SCAMP4: variants seen among roughly 807,000 people sequenced by gnomAD.
SCAMP4 encodes secretory carrier-associated membrane protein 4.
SCAMP4 carries 19 observed loss-of-function variants against 32.1 expected under a neutral mutation model. The observed-to-expected ratio is 0.59, with a 90% CI of 0.41 to 0.87. The LOEUF (loss-of-function observed/expected upper bound fraction) is 0.87. SCAMP4 is among the 40% of genes least tolerant of loss of function. The pLI, the probability that SCAMP4 is intolerant of heterozygous loss-of-function variation, is 0.00. For synonymous variants in SCAMP4, 152 were observed against 132.7 expected (o/e 1.15, Z -1.00); for missense variants, 302 against 309.0 (o/e 0.98, Z 0.17).
In SCAMP4 at chr19:1,924,626, C is replaced by G; in HGVS notation, c.*342C>G. ...AGGCCTGACTCCGGGGGACAGGTGGCAGCAGGTCGGCCGCCCTCCCGTCCT... is the reference window on the plus strand; with the variant it reads ...AGGCCTGACTCCGGGGGACAGGTGGGAGCAGGTCGGCCGCCCTCCCGTCCT... On this transcript the variant is annotated 3_prime_UTR_variant, in exon 7 of 7. Transcript: ENST00000316097. 3.3e-6 allele frequency: 1 copy of G among 304,496 alleles called. No individual in the cohort carries two copies. The highest frequency in any genetic ancestry group is 6.5e-6 in the Non-Finnish European group (1 of 153,370). 18.9% of individuals were successfully genotyped at this position (304,496 alleles called of 1,614,324 possible). A position where few individuals can be genotyped will look rare whatever the true frequency, so the allele number is the denominator to read the frequency against.
intron 1 of SCAMP4, chr19:1,911,922 A>T: frequency 8.0e-7 from 1 of 1,245,030 alleles, no homozygotes; most frequent in South Asian, 1.8e-5. Flanking sequence ...TGTAGCTCTG[A>T]TGCGGTGACC....
chr19:1,920,141 T>C, intron 5 of SCAMP4: 1 of 985,400 alleles, frequency 1.0e-6, no homozygotes, highest in Non-Finnish European at 1.2e-6. Flanking sequence ...AGGCTTTTTA[T>C]TTTGGAATAA....
intron 1 of SCAMP4, chr19:1,911,840 A>G: frequency 8.6e-6 from 4 of 467,574 alleles, no homozygotes; most frequent in Non-Finnish European, 1.4e-5. Flanking sequence ...TAGGTGAATT[A>G]TATCTTCGTT....
intron 5 of SCAMP4, chr19:1,921,939 T>C: frequency 4.1e-6 from 4 of 985,482 alleles, no homozygotes; most frequent in Non-Finnish European, 4.8e-6. Context: ...GGGTACCGCG[T>C]GTGCGTGCAT....
At chr19:1,912,451 G>A (rs1568764628) in intron 1 of SCAMP4, 1 of 1,506,794 alleles carries the variant, frequency 6.6e-7, no homozygotes, top group Non-Finnish European at 8.8e-7. Flanking sequence ...GACCCCCGCG[G>A]CCTGGGGCAA....
At chr19:1,921,795 C>G in intron 5 of SCAMP4, 1 of 983,470 alleles carries the variant, frequency 1.0e-6, no homozygotes, top group Non-Finnish European at 1.2e-6. Flanking sequence ...GCCTGGGCAA[C>G]ATAGGGAGAA....
At position 1,908,714 on chromosome 19, in the gene SCAMP4, G is replaced by A. The variant is rs2013275242; in HGVS notation, c.-42+3275G>A. On this transcript the variant is annotated intron_variant, in intron 1 of 6. Transcript: ENST00000316097. This position sits in a 1 kb window ranked among gnomAD's most constrained non-coding sequence, Gnocchi z 4.2. The stretch of plus-strand genomic sequence containing the variant: ...GGGTCTCTCTATCTTGCCCACGTTG[G>A]TCTCAAACTCCTGTGCTTAAGTGAT... 3.1e-5 allele frequency: 12 copies of A among 389,658 alleles called. No individual in the cohort carries two copies. The highest frequency in any genetic ancestry group is 2.3e-4 in the South Asian group (12 of 51,324). 24.1% of individuals were successfully genotyped at this position (389,658 alleles called of 1,614,324 possible).
At chr19:1,923,265 A>G in intron 6 of SCAMP4, 78 bp downstream of exon 6, 3 of 1,277,992 alleles carry the variant, frequency 2.3e-6, no homozygotes, top group Non-Finnish European at 3.2e-6. Flanking sequence ...CAGGTGGGTG[A>G]ACGTCGAGGA....
At chr19:1,922,106 A>G (rs904301120) in intron 5 of SCAMP4, 3 of 985,310 alleles carry the variant, frequency 3.0e-6, no homozygotes, top group South Asian at 4.7e-5. Context: ...CTGTGGTTTC[A>G]TCACCTGTTA....
intron 5 of SCAMP4, chr19:1,921,818 GAAAA>G: frequency 2.3e-6 from 2 of 876,668 alleles, no homozygotes; most frequent in South Asian, 5.2e-5. Flanking sequence ...CATCTCTCCA[GAAAA>G]AAAAAAAGAG....
intron 1 of SCAMP4, chr19:1,913,412 A>G (rs2013607979): frequency 1.7e-6 from 1 of 585,242 alleles, no homozygotes; most frequent in Admixed American, 3.3e-5. Flanking sequence ...GGGCCGGGAA[A>G]CTGCTCTGAT....
intron 1 of SCAMP4, among the ~76,000 whole-genome samples, chr19:1,911,231 G>A (rs1568762769): frequency 6.6e-6 from 1 of 151,924 alleles, no homozygotes; most frequent in Non-Finnish European, 1.5e-5. Context: ...GGGTACAGTG[G>A]CACGATTGTA....
intron 1 of SCAMP4, chr19:1,912,502 G>T (rs944398321): frequency 1.3e-6 from 2 of 1,496,244 alleles, no homozygotes; most frequent in Non-Finnish European, 1.8e-6. Flanking sequence ...CCTCTGACCA[G>T]GGGCCAGTTC....
At position 1,925,910 on chromosome 19, in the gene SCAMP4, A is replaced by ACCCCCCCCCCCCC. The variant is rs71174396; in HGVS notation, c.*1635_*1636insCCCCCCCCCCCCC. ...GACAAAATCTCACCTGGCAGGCCCAACCCCCCCCCACCCCTCCCCCGCCGT... is the reference window on the plus strand; with the variant it reads ...GACAAAATCTCACCTGGCAGGCCCAACCCCCCCCCCCCCCCCCCCCCCACCCCTCCCCCGCCGT... On this transcript the variant is annotated 3_prime_UTR_variant, in exon 7 of 7. Transcript: ENST00000316097. The ACCCCCCCCCCCCC allele has an allele frequency of 2.7e-5, 3 of 112,702 alleles. No homozygotes were observed. The highest frequency in any genetic ancestry group is 8.9e-5 in the Admixed American group (1 of 11,296). The allele number at this position is 112,702 out of a possible 1,614,324, so 7.0% of individuals were successfully genotyped here.
chr19:1,909,802 G>T (rs1207811633), intron 1 of SCAMP4, among the ~76,000 whole-genome samples: 1 of 152,206 alleles, frequency 6.6e-6, no homozygotes, highest in Non-Finnish European at 1.5e-5. Context: ...GTGGCTGCCT[G>T]CTCCACCCGA....
At chr19:1,920,453 C>A in intron 5 of SCAMP4, 1 of 633,516 alleles carries the variant, frequency 1.6e-6, no homozygotes, top group Non-Finnish European at 2.0e-6. Flanking sequence ...GCACCTGCGC[C>A]TGGCGCCAGG....
At chr19:1,915,356 G>T in intron 2 of SCAMP4, 1 of 438,192 alleles carries the variant, frequency 2.3e-6, no homozygotes. Context: ...TCATTTACTG[G>T]CAGCCTTCCC....
intron 3 of SCAMP4, 75 bp from the exon 4 acceptor site, chr19:1,918,052 C>A: frequency 6.5e-7 from 1 of 1,536,776 alleles, no homozygotes; most frequent in Non-Finnish European, 8.8e-7. Context: ...AGCGGGTGCC[C>A]CATTGCTGGG....
At chr19:1,912,793 CGCGCGGCCAGGGCCGCG>C (rs769795555) in intron 1 of SCAMP4, 18 of 1,572,024 alleles carry the variant, frequency 1.1e-5, no homozygotes, top group Non-Finnish European at 1.5e-5. Flanking sequence ...GACCTCGTGG[CGCGCGGCCAGGGCCGCG>C]GCACCTACGA....
Sources: gnomAD v4.1 joint callset for allele counts (sites outside exome capture counted in the v4.1 genomes callset) on GRCh38, gnomAD v4.1.1 for gene constraint, Gnocchi (gnomAD v3.1) non-coding constraint, MANE v1.5 for transcripts, NCBI Gene and HGNC (gene_info 2026-07-23, HGNC 2026-07-21) for gene names.